The following EML6 variants were observed in gnomAD, a reference collection of about 807,000 sequenced individuals.
The protein encoded by EML6 is echinoderm microtubule-associated protein-like 6.
Under a neutral mutation model 240.1 loss-of-function variants are expected in EML6, and 154 were observed. The observed-to-expected ratio is 0.64, with a 90% CI of 0.56 to 0.73. The LOEUF (loss-of-function observed/expected upper bound fraction) is 0.73. EML6 is among the 30% of genes least tolerant of loss of function. The pLI is 0.00. For synonymous variants in EML6, 1,148 were observed against 899.0 expected (o/e 1.28, Z -4.95); for missense variants, 2,964 against 2,474.6 (o/e 1.20, Z -4.20).
chr2:54,916,091 C>T (rs1438184210), intron 25 of EML6, among the ~76,000 whole-genome samples: 2 of 152,162 alleles, frequency 1.3e-5, no homozygotes, highest in African/African-American at 4.8e-5. Flanking sequence ...ATGAATAGCT[C>T]TTCAGATTTT....
At chr2:54,805,009 T>C (rs967105038) in intron 2 of EML6, among the ~76,000 whole-genome samples, 6 of 152,232 alleles carry the variant, frequency 3.9e-5, no homozygotes, top group Non-Finnish European at 7.4e-5. Flanking sequence ...TTTTTGGGAT[T>C]GTCAACTAGA....
intron 10 of EML6, chr2:54,850,456 A>G (rs981387813): frequency 2.7e-5 from 12 of 451,402 alleles, no homozygotes; most frequent in Non-Finnish European, 4.4e-5. Flanking sequence ...CTGCACAACA[A>G]GGGAGATCGT....
Position 54,940,771 on chromosome 2 carries a change from C to A in EML6, c.4005-8111C>A, listed in dbSNP as rs868214523. Among the ~76,000 whole-genome samples, 7 of 152,216 alleles carry A rather than the reference C, an allele frequency of 4.6e-5. No individual in the cohort carries two copies. The South Asian group carries it at 6.2e-4, about 14-fold the overall frequency. On this transcript the variant is annotated intron_variant, in intron 28 of 41. Transcript: ENST00000356458. ...TAGAATCCAGGGTGCCCCAGTTGGC[C>A]CTGGGACTGCACTTGGCAAAATGAC...
At chr2:54,800,667 C>G (rs1670087087) in intron 2 of EML6, among the ~76,000 whole-genome samples, 1 of 152,094 alleles carries the variant, frequency 6.6e-6, no homozygotes, top group Non-Finnish European at 1.5e-5. Context: ...GGCTCCAACC[C>G]CTAGGACATC....
rs1259644157 is a variant in EML6 at position 54,859,669 on chromosome 2, T to C, written c.1793T>C (p.Val598Ala). The part of the protein sequence containing the change: ...VFQWRFIPEG[V>A]SNGMLETAPQ... ...CAGTGGAGGTTTATTCCAGAAGGTG[T>C]CAGCAACGGCATGCTGGAAACTGCA... The change falls in exon 12 of 42, where the codon GTC (valine) becomes GCC (alanine). Residue 598 changes from valine to alanine, a missense_variant. Physicochemically the swap from Val to Ala is moderately conservative, Grantham distance 64. Transcript: ENST00000356458. 1.9e-6 allele frequency: 3 copies of C among 1,547,832 alleles called. No homozygotes were observed. Among genetic ancestry groups the C allele is most frequent in the African/African-American group, 1.4e-5 (1 of 72,862 alleles).
chr2:54,888,315 ACC>A (rs972509985), intron 17 of EML6, among the ~76,000 whole-genome samples: 1 of 152,130 alleles, frequency 6.6e-6, no homozygotes, highest in Non-Finnish European at 1.5e-5. Context: ...CTAAGGTTCC[ACC>A]CATGGTTGCA....
chr2:54,755,653 T>C (rs1192997288), intron 2 of EML6, among the ~76,000 whole-genome samples: 2 of 152,150 alleles, frequency 1.3e-5, no homozygotes, highest in Non-Finnish European at 1.5e-5. Context: ...TGCTAGTATA[T>C]AGAAATATAA....
In EML6 at chr2:54,848,524, T is replaced by TACACACACACACACACACACACAC. The variant is rs59587579; in HGVS notation, c.1187+905_1187+928dup. Among the ~76,000 whole-genome samples, 812 of 145,816 alleles carry TACACACACACACACACACACACAC rather than the reference T, an allele frequency of 5.6e-3. 6 individuals carry two copies. Among genetic ancestry groups the TACACACACACACACACACACACAC allele is most frequent in the Admixed American group, 0.017 (248 of 14,540 alleles). On this transcript the variant is annotated intron_variant, in intron 9 of 41. Coordinates refer to ENST00000356458, the MANE Select transcript of EML6 (RefSeq NM_001039753.4). ...CGATGGACTTCTCAAGCTTCCACAC[T>TACACACACACACACACACACACAC]ACACACACACACACACACACACACA... is the stretch of plus-strand genomic sequence containing the variant.
intron 13 of EML6, among the ~76,000 whole-genome samples, chr2:54,865,859 A>T (rs575865393): frequency 1.3e-5 from 2 of 152,212 alleles, no homozygotes; most frequent in African/African-American, 2.4e-5. Flanking sequence ...AATTTTACAG[A>T]TGAGAATTTG....
At chr2:54,967,885 A>G (rs926330360) in intron 39 of EML6, among the ~76,000 whole-genome samples, 2 of 152,152 alleles carry the variant, frequency 1.3e-5, no homozygotes, top group Non-Finnish European at 2.9e-5. Flanking sequence ...ATGAGACTCT[A>G]ATGCTGCGGC....
chr2:54,840,659 C>T (rs556451011), intron 7 of EML6, among the ~76,000 whole-genome samples: 3 of 152,250 alleles, frequency 2.0e-5, no homozygotes, highest in South Asian at 4.1e-4. Flanking sequence ...TTGGCATCTC[C>T]AAGGACTCAA....
chr2:54,961,452 G>T (rs1471329693), intron 35 of EML6, among the ~76,000 whole-genome samples: 3 of 151,630 alleles, frequency 2.0e-5, no homozygotes, highest in African/African-American at 2.4e-5. Flanking sequence ...CTCCCAAAGT[G>T]CTGGGATTAC....
intron 32 of EML6, among the ~76,000 whole-genome samples, chr2:54,954,955 T>G (rs1676162713): frequency 6.6e-6 from 1 of 152,130 alleles, no homozygotes; most frequent in South Asian, 2.1e-4. Context: ...TCCCATTATC[T>G]CTGCATCTTC....
chr2:54,862,314 G>T (rs553444964), intron 12 of EML6, among the ~76,000 whole-genome samples: 48 of 137,066 alleles, frequency 3.5e-4, no homozygotes, highest in Admixed American at 3.0e-3. Flanking sequence ...CTCCAGCCTG[G>T]GTGACATAAC....
At chr2:54,958,738 A>C (rs1328579702) in intron 33 of EML6, among the ~76,000 whole-genome samples, 1 of 152,114 alleles carries the variant, frequency 6.6e-6, no homozygotes, top group East Asian at 1.9e-4. Context: ...GTCCTCCAGG[A>C]GTGGGTTTCT....
chr2:54,934,336 C>G (rs1320816349), intron 28 of EML6, among the ~76,000 whole-genome samples: 1 of 152,100 alleles, frequency 6.6e-6, no homozygotes, highest in African/African-American at 2.4e-5. Context: ...CCCGCCCTCC[C>G]ATGAGCTCCT....
At chr2:54,799,757 C>T (rs1450559837) in intron 2 of EML6, among the ~76,000 whole-genome samples, 3 of 152,022 alleles carry the variant, frequency 2.0e-5, no homozygotes, top group South Asian at 4.2e-4. Context: ...GTTTGCTGAC[C>T]CCTTATATAA....
At chr2:54,795,355 T>A (rs1398307886) in intron 2 of EML6, among the ~76,000 whole-genome samples, 1 of 152,124 alleles carries the variant, frequency 6.6e-6, no homozygotes, top group Non-Finnish European at 1.5e-5. Context: ...TCAGATCTTG[T>A]GAGAAATCAC....
intron 2 of EML6, among the ~76,000 whole-genome samples, chr2:54,750,214 G>T (rs2103699264): frequency 6.6e-6 from 1 of 152,304 alleles, no homozygotes; most frequent in East Asian, 1.9e-4. Flanking sequence ...GAAGAACTCA[G>T]GTGACATGCA....
Sources: gnomAD v4.1 joint callset for allele counts (sites outside exome capture counted in the v4.1 genomes callset) on GRCh38, gnomAD v4.1.1 for gene constraint, MANE v1.5 for transcripts, NCBI Gene and HGNC (gene_info 2026-07-23, HGNC 2026-07-21) for gene names.